CELSR2: variants seen among roughly 807,000 people sequenced by gnomAD.
CELSR2 encodes the protein cadherin EGF LAG seven-pass G-type receptor 2.
A neutral mutation model predicts 251.6 loss-of-function variants in CELSR2; 81 were observed. The observed-to-expected ratio is 0.32, with a 90% CI of 0.27 to 0.39. The LOEUF (loss-of-function observed/expected upper bound fraction) is 0.39. CELSR2 is among the 10% of genes least tolerant of loss of function. CELSR2 has a pLI of 1.00. For synonymous variants in CELSR2, 1,721 were observed against 1,670.5 expected (o/e 1.03, Z -0.74); for missense variants, 3,365 against 3,947.7 (o/e 0.85, Z 3.96).
At chr1:109,263,343 A>T in intron 8 of CELSR2, 76 bp downstream of exon 8, 1 of 1,518,336 alleles carries the variant, frequency 6.6e-7, no homozygotes, top group African/African-American at 1.4e-5. Context: ...TGGGGCAGGC[A>T]CTGGGCAGGG....
Position 109,253,353 on chromosome 1 carries a change from C to T in CELSR2, c.3274C>T (p.Arg1092Trp), listed in dbSNP as rs1460100611. The T allele has an allele frequency of 6.2e-6, 10 of 1,613,062 alleles. No homozygotes were observed. Among genetic ancestry groups the T allele is most frequent in the African/African-American group, 2.7e-5 (2 of 74,920 alleles). The change falls in exon 1 of 34, where the codon CGG (arginine) becomes TGG (tryptophan). Residue 1092 changes from arginine (R) to tryptophan (W), a missense_variant. Around this residue, in one of 5 missense-constraint regions of CELSR2, gnomAD observed 505 missense variants for 660.0 expected, o/e 0.77. Coordinates refer to ENST00000271332, the MANE Select transcript of CELSR2 (RefSeq NM_001408.3). ...LKLSRALDNN[R>W]PLEAIMSVLV... ...GCTAAGCCGCGCACTGGACAACAAC[C>T]GGCCTCTGGAGGCCATCATGAGCGT...
At chr1:109,257,810 C>T (rs1161498233) in intron 1 of CELSR2, among the ~76,000 whole-genome samples, 1 of 152,186 alleles carries the variant, frequency 6.6e-6, no homozygotes, top group African/African-American at 2.4e-5. Context: ...GGGTGGGGCC[C>T]CCCAGGCTAC....
At position 109,251,006 on chromosome 1, in the gene CELSR2, C is replaced by T. The variant is rs1655670172; in HGVS notation, c.927C>T (p.Leu309=). The change falls in exon 1 of 34, where the codon CTC becomes CTT. Residue 309 remains leucine (L), a synonymous_variant. Coordinates refer to ENST00000271332, the MANE Select transcript of CELSR2 (RefSeq NM_001408.3). This position sits in a 1 kb window ranked among gnomAD's most constrained non-coding sequence, Gnocchi z 4.9. ...ACCTGGAGGTTGGCTATGAGGTGCTCACTGTCAGGGCCACGGATGGTGATG... is the reference window on the plus strand; with the variant it reads ...ACCTGGAGGTTGGCTATGAGGTGCTTACTGTCAGGGCCACGGATGGTGATG... ...RENLEVGYEV[L]TVRATDGDAP... The T allele has an allele frequency of 1.9e-6, 3 of 1,613,476 alleles. No homozygotes were observed. Among genetic ancestry groups the T allele is most frequent in the Non-Finnish European group, 2.5e-6 (3 of 1,179,924 alleles).
intron 1 of CELSR2, 75 bp downstream of exon 1, chr1:109,253,464 T>C: frequency 4.6e-6 from 7 of 1,511,724 alleles, no homozygotes; most frequent in Non-Finnish European, 6.2e-6. Context: ...GGAGGTAGGG[T>C]GCGATCCAGG....
rs1473400895 is a variant in CELSR2 at position 109,261,241 on chromosome 1, T to A, written c.4158T>A (p.Arg1386=). Reference sequence around the variant, plus strand: ...TCACCTTTCGCGGCCTGCGCCAGCGTTTCCACTTCACCCTGGCCCTCTCGT... The same window carrying A: ...TCACCTTTCGCGGCCTGCGCCAGCGATTCCACTTCACCCTGGCCCTCTCGT... ...SFITFRGLRQ[R]FHFTLALSFA... The change falls in exon 3 of 34, where the codon CGT becomes CGA. Residue 1386 remains arginine, a synonymous_variant. Coordinates refer to ENST00000271332, the MANE Select transcript of CELSR2 (RefSeq NM_001408.3). This position sits in a 1 kb window ranked among gnomAD's most constrained non-coding sequence, Gnocchi z 4.8. 1.9e-6 allele frequency: 3 copies of A among 1,613,476 alleles called. No individual in the cohort carries two copies. In the Admixed American group the frequency reaches 5.0e-5, roughly 27 times the overall value.
At position 109,250,961 on chromosome 1, in the gene CELSR2, C is replaced by T. The variant is rs1276925013; in HGVS notation, c.882C>T (p.Tyr294=). The stretch of plus-strand genomic sequence containing the variant: ...ACCCTGTGTTCGAGCAGCAGGAGTA[C>T]AAGGAGAGCCTCAGGGAGAACCTGG... ...DHDPVFEQQE[Y]KESLRENLEV... The change falls in exon 1 of 34, where the codon TAC becomes TAT. Residue 294 remains tyrosine, a synonymous_variant. Coordinates refer to ENST00000271332, the MANE Select transcript of CELSR2 (RefSeq NM_001408.3). The surrounding 1 kb of genome is among the most constrained non-coding windows in gnomAD (Gnocchi z 4.4). 2 of 1,613,546 alleles carry T rather than the reference C, an allele frequency of 1.2e-6. No individual in the cohort carries two copies. The highest frequency in any genetic ancestry group is 2.7e-5 in the African/African-American group (2 of 74,920).
At chr1:109,260,028 T>G (rs1655974004) in intron 2 of CELSR2, among the ~76,000 whole-genome samples, 1 of 151,014 alleles carries the variant, frequency 6.6e-6, no homozygotes, top group Non-Finnish European at 1.5e-5. Context: ...CCAGCAGCCA[T>G]AGGCAGGCCC....
Position 109,251,747 on chromosome 1 carries a change from C to G in CELSR2, c.1668C>G (p.Asn556Lys). Reference protein sequence around the residue: ...GVGHDFPFTINNGTGWISVAA... With the variant: ...GVGHDFPFTIKNGTGWISVAA... ...GACATGACTTCCCCTTCACCATCAA[C>G]AATGGCACAGGCTGGATCTCTGTGG... The change falls in exon 1 of 34, where the codon AAC (asparagine) becomes AAG (lysine). Residue 556 changes from asparagine to lysine, a missense_variant. By Grantham distance (94) the Asn-to-Lys change is moderately conservative. Around this residue, in one of 5 missense-constraint regions of CELSR2, gnomAD observed 704 missense variants for 784.1 expected, o/e 0.90. Transcript: ENST00000271332. The surrounding 1 kb of genome is among the most constrained non-coding windows in gnomAD (Gnocchi z 4.9). The G allele has an allele frequency of 6.2e-7, 1 of 1,614,122 alleles. No individual in the cohort carries two copies. The highest frequency in any genetic ancestry group is 1.1e-5 in the South Asian group (1 of 91,074).
rs868824493 is a variant in CELSR2, at chr1:109,249,582, T to C, written c.-498T>C. 4.0e-5 allele frequency among the ~76,000 whole-genome samples: 6 copies of C among 148,964 alleles called. No individual in the cohort carries two copies. The South Asian group carries it at 6.3e-4, about 16-fold the overall frequency. On this transcript the variant is annotated 5_prime_UTR_variant, in exon 1 of 34. Transcript: ENST00000271332. ...CCGGGGAGGCGAGGGAGCGCGGGGC[T>C]GGGCCCGGGGCCGCGGCGACAGGCA...
chr1:109,273,337 G>A lies in CELSR2; in HGVS notation c.8509+1G>A. The A allele has an allele frequency of 6.2e-7, 1 of 1,600,398 alleles. No homozygotes were observed. Among genetic ancestry groups the A allele is most frequent in the East Asian group, 2.2e-5 (1 of 44,788 alleles). ...GGCTCTTCTGCCCAGCCTCACAAAGGTGAGTGGGGCACCCCCAGCTGCCGA... is the reference window on the plus strand; with the variant it reads ...GGCTCTTCTGCCCAGCCTCACAAAGATGAGTGGGGCACCCCCAGCTGCCGA... On this transcript the variant is annotated splice_donor_variant, in intron 32 of 33. Coordinates refer to ENST00000271332, the MANE Select transcript of CELSR2 (RefSeq NM_001408.3). LOFTEE classifies it high-confidence loss of function.
chr1:109,253,654 G>C (rs1655765849), intron 1 of CELSR2, among the ~76,000 whole-genome samples: 3 of 152,356 alleles, frequency 2.0e-5, no homozygotes, highest in Admixed American at 2.0e-4. Context: ...ACGTGGTCGG[G>C]GAAGTGTTGT....
chr1:109,260,987 A>C, intron 2 of CELSR2, 55 bp from the exon 3 acceptor site: 1 of 1,409,584 alleles, frequency 7.1e-7, no homozygotes, highest in Non-Finnish European at 9.9e-7. Flanking sequence ...GGGGGGTCTC[A>C]GTTCCCCTCC....
At chr1:109,270,663 C>T in intron 24 of CELSR2, 63 bp downstream of exon 24, 1 of 1,564,422 alleles carries the variant, frequency 6.4e-7, no homozygotes, top group Non-Finnish European at 8.7e-7. Flanking sequence ...GTGCCATGTT[C>T]TCTCCACCCA....
At position 109,264,622 on chromosome 1, in the gene CELSR2, G is replaced by C; in HGVS notation, c.5458G>C (p.Asp1820His). The C allele has an allele frequency of 1.2e-6, 2 of 1,611,732 alleles. No individual in the cohort carries two copies. Among genetic ancestry groups the C allele is most frequent in the South Asian group, 2.2e-5 (2 of 91,062 alleles). ...CTGGGACAGCTATTCCTGCAGCTGT[G>C]ATCCAGGTATGCTAAGGATCCAGGG... is the stretch of plus-strand genomic sequence containing the variant. ...NDWDSYSCSCDPGYYGDNCTN... is the reference protein window; with the variant it reads ...NDWDSYSCSCHPGYYGDNCTN... Residue 1820 changes from aspartate to histidine, a missense_variant, in exon 11 of 34, where the codon GAT becomes CAT. Around this residue, in one of 5 missense-constraint regions of CELSR2, gnomAD observed 2,093 missense variants for 2,382.8 expected, o/e 0.88. Coordinates refer to ENST00000271332, the MANE Select transcript of CELSR2 (RefSeq NM_001408.3).
Position 109,261,436 on chromosome 1 carries a change from G to A in CELSR2, c.4182-77G>A. 6.9e-7 allele frequency: 1 copy of A among 1,442,590 alleles called. No individual in the cohort carries two copies. 89.4% of individuals were successfully genotyped at this position (1,442,590 alleles called of 1,614,324 possible). On this transcript the variant is annotated intron_variant, in intron 3 of 33. Coordinates refer to ENST00000271332, the MANE Select transcript of CELSR2 (RefSeq NM_001408.3). This position sits in a 1 kb window ranked among gnomAD's most constrained non-coding sequence, Gnocchi z 4.8. Reference sequence around the variant, plus strand: ...TTCTGCCAGCAGATCTCCCTCCCCTGCGCTGGTTAGGTGGCGGGGGTGCTG... The same window carrying A: ...TTCTGCCAGCAGATCTCCCTCCCCTACGCTGGTTAGGTGGCGGGGGTGCTG...
In CELSR2 at chr1:109,265,600, T is replaced by A. The variant is rs1656163393; in HGVS notation, c.5728-135T>A. 3 of 1,079,832 alleles carry A rather than the reference T, an allele frequency of 2.8e-6. No homozygotes were observed. The African/African-American group carries it at 4.8e-5, about 17-fold the overall frequency. The allele number at this position is 1,079,832 out of a possible 1,614,324, so 66.9% of individuals were successfully genotyped here. On this transcript the variant is annotated intron_variant, in intron 13 of 33. Coordinates refer to ENST00000271332, the MANE Select transcript of CELSR2 (RefSeq NM_001408.3). ...GCTCAACTCCAAAGCATTGCTAGTG[T>A]TAATTATTTTGAATACTGCTCCTGA...
rs141367242 is a variant in CELSR2 at position 109,265,211 on chromosome 1, G to A, written c.5627G>A (p.Arg1876His). The stretch of plus-strand genomic sequence containing the variant: ...TGCAGGATTGACCAGCCTTGTCCCC[G>A]TGGCTGGTGGGGACATCCCACATGT... ...CETRIDQPCP[R>H]GWWGHPTCGP... Residue 1876 changes from arginine to histidine, a missense_variant, in exon 13 of 34, where the codon CGT becomes CAT. Coordinates refer to ENST00000271332, the MANE Select transcript of CELSR2 (RefSeq NM_001408.3). 173 of 1,608,062 alleles carry A rather than the reference G, an allele frequency of 1.1e-4. No individual in the cohort carries two copies. The highest frequency in any genetic ancestry group is 1.7e-4 in the Admixed American group (10 of 59,508).
At chr1:109,263,857 G>T in intron 9 of CELSR2, 80 bp downstream of exon 9, 1 of 1,530,048 alleles carries the variant, frequency 6.5e-7, no homozygotes, top group Non-Finnish European at 8.8e-7. Flanking sequence ...GAAGTGGCTG[G>T]GCAGGTCCTG....
chr1:109,273,507 T>C lies in CELSR2; in HGVS notation c.8581T>C (p.Cys2861Arg). ...CCTCCTGCGGCTCCCCCTGGAGCAA[T>C]GCACAGGGTCTTCCCGGGGCTCCTC... ...SSLLRLPLEQ[C>R]TGSSRGSSAS... The change falls in exon 33 of 34, where the codon TGC becomes CGC. Residue 2861 changes from cysteine (C) to arginine (R), a missense_variant. Transcript: ENST00000271332. 6.2e-7 allele frequency: 1 copy of C among 1,609,738 alleles called. No individual in the cohort carries two copies. Among genetic ancestry groups the C allele is most frequent in the South Asian group, 1.1e-5 (1 of 90,392 alleles).
Sources: gnomAD v4.1 joint callset for allele counts (sites outside exome capture counted in the v4.1 genomes callset) on GRCh38, gnomAD v4.1.1 for gene constraint, gnomAD v4.1.1 regional missense constraint, Gnocchi (gnomAD v3.1) non-coding constraint, MANE v1.5 for transcripts, NCBI Gene and HGNC (gene_info 2026-07-23, HGNC 2026-07-21) for gene names.